The following PACS2 variants were observed in gnomAD, a reference collection of about 807,000 sequenced individuals.
The protein encoded by PACS2 is PACS1-like protein.
A neutral mutation model predicts 113.0 loss-of-function variants in PACS2; 36 were observed. The observed-to-expected ratio is 0.32, with a 90% CI of 0.24 to 0.42. The LOEUF is 0.42. PACS2 is among the 10% of genes least tolerant of loss of function. PACS2 has a pLI of 1.00. For synonymous variants in PACS2, 589 were observed against 536.1 expected, an observed-to-expected ratio of 1.10 and a Z score of -1.36; for missense variants, 1,015 against 1,239.5, an observed-to-expected ratio of 0.82 and a Z score of 2.72.
intron 1 of PACS2, among the ~76,000 whole-genome samples, chr14:105,334,534 C>T (rs911287887): frequency 2.0e-5 from 3 of 152,110 alleles, no homozygotes; most frequent in Non-Finnish European, 4.4e-5. Context: ...CGTAGAGCTC[C>T]ACCTGAGGGC....
chr14:105,362,908 G>C (rs1555407003), intron 4 of PACS2, among the ~76,000 whole-genome samples: 1 of 152,166 alleles, frequency 6.6e-6, no homozygotes. Flanking sequence ...CTGCCTGATG[G>C]ATGTCGTGTG....
At chr14:105,362,365 C>G (rs1302154915) in intron 4 of PACS2, among the ~76,000 whole-genome samples, 1 of 147,240 alleles carries the variant, frequency 6.8e-6, no homozygotes, top group Non-Finnish European at 1.5e-5. Flanking sequence ...TGCAGTGAGC[C>G]GAGATCGCGC....
At chr14:105,390,811 G>A (rs587646008) in intron 20 of PACS2, 9 of 274,164 alleles carry the variant, frequency 3.3e-5, no homozygotes, top group African/African-American at 1.5e-4. Flanking sequence ...AAGGCCCTGC[G>A]GTGTCACTGG....
At chr14:105,328,953 C>T (rs587685201) in intron 1 of PACS2, among the ~76,000 whole-genome samples, 1 of 152,334 alleles carries the variant, frequency 6.6e-6, no homozygotes, top group African/African-American at 2.4e-5. Context: ...TTCGGAGCTG[C>T]ACAGTCGGAA....
At chr14:105,336,573 G>A (rs1284106515) in intron 1 of PACS2, 2 of 152,500 alleles carry the variant, frequency 1.3e-5, no homozygotes, top group African/African-American at 4.8e-5. Flanking sequence ...CAGGCGGCAG[G>A]ATGAGGCCGC....
upstream of PACS2, among the ~76,000 whole-genome samples, chr14:105,312,897 C>A (rs1259946069): frequency 6.6e-6 from 1 of 152,196 alleles, no homozygotes; most frequent in Non-Finnish European, 1.5e-5. Context: ...CATACGGGTT[C>A]TTCGGGCCAC....
chr14:105,392,308 AG>A, intron 22 of PACS2: 1 of 407,056 alleles, frequency 2.5e-6, no homozygotes, highest in South Asian at 2.9e-5. Flanking sequence ...GGCTCCTTCC[AG>A]GCTGCGCCTG....
At chr14:105,335,430 G>A (rs1001255629) in intron 1 of PACS2, among the ~76,000 whole-genome samples, 2 of 151,662 alleles carry the variant, frequency 1.3e-5, no homozygotes, top group African/African-American at 2.4e-5. Context: ...CGCTGTGGCC[G>A]GCGCCTGGCG....
In PACS2 at chr14:105,376,796, AG is replaced by A; in HGVS notation, c.831del (p.Glu277AspfsTer162). On this transcript the variant is annotated frameshift_variant, in exon 9 of 25. Coordinates refer to ENST00000447393, the MANE Select transcript of PACS2 (RefSeq NM_001100913.3). This position sits in a 1 kb window ranked among gnomAD's most constrained non-coding sequence, Gnocchi z 4.7. Reference protein sequence around the residue: ...EVLDSEQDPAEHIPEAEEDLD... With the variant: ...EVLDSEQDPAXHIPEAEEDLD... ...CTGGACTCGGAGCAGGACCCTGCGG[AG>A]CACATCCCCGAGGCAGAGGAGGACC... 1 of 1,613,062 alleles carries A rather than the reference AG, an allele frequency of 6.2e-7. No individual in the cohort carries two copies. The highest frequency in any genetic ancestry group is 1.1e-5 in the South Asian group (1 of 91,072).
chr14:105,352,761 A>T (rs111965113), intron 3 of PACS2, among the ~76,000 whole-genome samples: 5 of 55,338 alleles, frequency 9.0e-5, no homozygotes, highest in South Asian at 8.1e-4. Context: ...CCATCACTGT[A>T]CCCTGGGGAG....
At chr14:105,345,455 C>A (rs2059891029) in intron 1 of PACS2, among the ~76,000 whole-genome samples, 1 of 152,030 alleles carries the variant, frequency 6.6e-6, no homozygotes, top group Non-Finnish European at 1.5e-5. Context: ...AATCTTTTTT[C>A]TTTTCTGACA....
At position 105,376,445 on chromosome 14, in the gene PACS2, G is replaced by A. The variant is rs2080778085; in HGVS notation, c.802-323G>A. Among the ~76,000 whole-genome samples the A allele has an allele frequency of 6.6e-6, 1 of 152,086 alleles. No individual in the cohort carries two copies. On this transcript the variant is annotated intron_variant, in intron 8 of 24. Coordinates refer to ENST00000447393, the MANE Select transcript of PACS2 (RefSeq NM_001100913.3). The surrounding 1 kb of genome is among the most constrained non-coding windows in gnomAD (Gnocchi z 4.7). ...GGGGAGCACTTTCTGTCTTGGTTTTGGTGGTGGCTGCACAGTGGCCCACAC... is the reference window on the plus strand; with the variant it reads ...GGGGAGCACTTTCTGTCTTGGTTTTAGTGGTGGCTGCACAGTGGCCCACAC...
intron 4 of PACS2, among the ~76,000 whole-genome samples, chr14:105,359,952 G>A (rs1329934683): frequency 6.6e-6 from 1 of 152,114 alleles, no homozygotes. Context: ...GTTTAAATGT[G>A]TTTAGACACA....
chr14:105,387,601 A>C (rs2081221532), intron 19 of PACS2, among the ~76,000 whole-genome samples: 1 of 152,192 alleles, frequency 6.6e-6, no homozygotes, highest in Admixed American at 6.5e-5. Context: ...CACCCCTGTC[A>C]TATTGGCCCA....
At chr14:105,373,836 T>C (rs2061247232) in intron 8 of PACS2, among the ~76,000 whole-genome samples, 1 of 150,672 alleles carries the variant, frequency 6.6e-6, no homozygotes, top group Non-Finnish European at 1.5e-5. Flanking sequence ...TATTCAAGAA[T>C]TAACTAAATG....
In PACS2 at chr14:105,376,473, G is replaced by A. The variant is rs587770227; in HGVS notation, c.802-295G>A. Among the ~76,000 whole-genome samples, 4 of 152,254 alleles carry A rather than the reference G, an allele frequency of 2.6e-5. No homozygotes were observed. The highest frequency in any genetic ancestry group is 4.8e-5 in the African/African-American group (2 of 41,542). ...GGTGGCTGCACAGTGGCCCACACCCGTCAGAGCTCACCTGCCTGCACCCAG... is the reference window on the plus strand; with the variant it reads ...GGTGGCTGCACAGTGGCCCACACCCATCAGAGCTCACCTGCCTGCACCCAG... On this transcript the variant is annotated intron_variant, in intron 8 of 24. Transcript: ENST00000447393. This position sits in a 1 kb window ranked among gnomAD's most constrained non-coding sequence, Gnocchi z 4.7.
At chr14:105,343,745 G>A (rs1388026092) in intron 1 of PACS2, among the ~76,000 whole-genome samples, 1 of 150,372 alleles carries the variant, frequency 6.7e-6, no homozygotes, top group African/African-American at 2.5e-5. Context: ...ACCCAGGCTA[G>A]AGTGCAGTGG....
chr14:105,384,320 C>G (rs587743419), intron 16 of PACS2, 33 bp from the exon 17 acceptor site: 18 of 1,319,924 alleles, frequency 1.4e-5, no homozygotes, highest in Non-Finnish European at 2.0e-5. Context: ...CCGAGTCCCC[C>G]GTGGTGACAC....
At chr14:105,338,006 A>C (rs1336382176) in intron 1 of PACS2, among the ~76,000 whole-genome samples, 1 of 152,180 alleles carries the variant, frequency 6.6e-6, no homozygotes, top group Non-Finnish European at 1.5e-5. Flanking sequence ...CCCAGAGAGC[A>C]TACTGTTGGG....
Sources: allele counts gnomAD v4.1 joint callset (sites outside exome capture counted in the v4.1 genomes callset), GRCh38; gene constraint gnomAD v4.1.1; non-coding constraint Gnocchi (gnomAD v3.1); transcripts MANE v1.5; gene names NCBI Gene and HGNC (gene_info 2026-07-23, HGNC 2026-07-21).